The following TEP1 variants were observed in gnomAD, a reference collection of about 807,000 sequenced individuals.
TEP1 encodes the protein telomerase protein component 1.
A neutral mutation model predicts 306.3 loss-of-function variants in TEP1; 241 were observed. The ratio of observed to expected loss-of-function variants is 0.79; its 90% confidence interval spans 0.71 to 0.88. TEP1 has a LOEUF of 0.88. Among genes scored for constraint, TEP1 ranks in the 40% least tolerant of loss-of-function variants. The pLI is 0.00. For missense variants in TEP1, 3,051 were observed against 3,276.1 expected (o/e 0.93, Z 1.68); for synonymous variants, 1,289 against 1,305.5 (o/e 0.99, Z 0.27).
rs1323908411 is a variant in TEP1 at position 20,377,427 on chromosome 14, T to TG, written c.5940dup (p.Lys1981GlnfsTer76). On this transcript the variant is annotated frameshift_variant, in exon 41 of 55. Coordinates refer to ENST00000262715, the MANE Select transcript of TEP1 (RefSeq NM_007110.5). LOFTEE classifies it high-confidence loss of function. ...TCTTCTGCACCACTCACCAATACCT[T>TG]GGGGCTTAGCCAGGCCAGGGCGGAC... 22 of 1,613,934 alleles carry TG rather than the reference T, an allele frequency of 1.4e-5. No homozygotes were observed. The highest frequency in any genetic ancestry group is 1.0e-4 in the Admixed American group (6 of 59,988).
Position 20,375,861 on chromosome 14 carries a change from A to G in TEP1, c.6257T>C (p.Leu2086Pro). 2 of 1,612,052 alleles carry G rather than the reference A, an allele frequency of 1.2e-6. No homozygotes were observed. The highest frequency in any genetic ancestry group is 1.7e-6 in the Non-Finnish European group (2 of 1,178,554). The change falls in exon 43 of 55, where the codon CTC becomes CCC. Residue 2086 changes from leucine to proline, a missense_variant. This residue lies in a region of TEP1 where 1,540 missense variants were observed against 1,705.9 expected (regional missense o/e 0.90). Coordinates refer to ENST00000262715, the MANE Select transcript of TEP1 (RefSeq NM_007110.5). ...LATGGRDRSL[L>P]CWDVRTPKTP... Reference sequence around the variant, plus strand: ...TTTGGGTGTCCTCACGTCCCAGCAGAGGAGACTCTGGATAGGCCCCAAGGA... The same window carrying G: ...TTTGGGTGTCCTCACGTCCCAGCAGGGGAGACTCTGGATAGGCCCCAAGGA...
chr14:20,371,714 T>C, intron 49 of TEP1, 82 bp from the exon 50 acceptor site: 1 of 1,461,720 alleles, frequency 6.8e-7, no homozygotes, highest in Non-Finnish European at 9.1e-7. Flanking sequence ...CATGAATTCC[T>C]CAGGAATGAA....
At chr14:20,408,640 A>G (rs536339887) in intron 1 of TEP1, among the ~76,000 whole-genome samples, 177 bp from the exon 2 acceptor site, 1 of 152,224 alleles carries the variant, frequency 6.6e-6, no homozygotes, top group Non-Finnish European at 1.5e-5. Flanking sequence ...AGAGAGGGAT[A>G]GGGAAAAGGT....
At position 20,384,226 on chromosome 14, in the gene TEP1, C is replaced by T. The variant is rs750909850; in HGVS notation, c.3346G>A (p.Ala1116Thr). Reference sequence around the variant, plus strand: ...ATGGACACTGGCTGCTCCAGCAGGGCCCCAGGCTGAGGGTAAATGGGTCAG... The same window carrying T: ...ATGGACACTGGCTGCTCCAGCAGGGTCCCAGGCTGAGGGTAAATGGGTCAG... ...MIQKLYLQPG[A>T]LLEQPVSIPD... is the part of the protein sequence containing the mutation. The change falls in exon 24 of 55, where the codon GCC (alanine) becomes ACC (threonine). Residue 1116 changes from alanine to threonine, a missense_variant. This residue lies in a region of TEP1 where 1,507 missense variants were observed against 1,550.5 expected (regional missense o/e 0.97). Coordinates refer to ENST00000262715, the MANE Select transcript of TEP1 (RefSeq NM_007110.5). 7 of 1,613,326 alleles carry T rather than the reference C, an allele frequency of 4.3e-6. No individual in the cohort carries two copies. The highest frequency in any genetic ancestry group is 4.2e-6 in the Non-Finnish European group (5 of 1,179,670).
chr14:20,396,619 A>G lies in TEP1; in HGVS notation c.1659+2T>C. The G allele has an allele frequency of 6.2e-7, 1 of 1,604,042 alleles. No homozygotes were observed. The highest frequency in any genetic ancestry group is 2.2e-5 in the East Asian group (1 of 44,572). The stretch of plus-strand genomic sequence containing the variant: ...CCATGGCTACCAGCCCCTCACACAT[A>G]CCGCATGCTGGAGTCTCTGGAGAAT... On this transcript the variant is annotated splice_donor_variant, in intron 10 of 54. Coordinates refer to ENST00000262715, the MANE Select transcript of TEP1 (RefSeq NM_007110.5). LOFTEE classifies it high-confidence loss of function.
chr14:20,373,149 T>C lies in TEP1; in HGVS notation c.6815-2A>G. The stretch of plus-strand genomic sequence containing the variant: ...AACTCCTTGGTATACATGTGTCATC[T>C]GGAGGAGAAAGGACGTGTTTCATTA... On this transcript the variant is annotated splice_acceptor_variant, in intron 47 of 54. Coordinates refer to ENST00000262715, the MANE Select transcript of TEP1 (RefSeq NM_007110.5). LOFTEE classifies it high-confidence loss of function. 6.2e-7 allele frequency: 1 copy of C among 1,614,222 alleles called. No homozygotes were observed. Among genetic ancestry groups the C allele is most frequent in the South Asian group, 1.1e-5 (1 of 91,088 alleles).
intron 51 of TEP1, 55 bp downstream of exon 51, chr14:20,371,163 A>C (rs1884809698): frequency 6.5e-7 from 1 of 1,527,704 alleles, no homozygotes; most frequent in African/African-American, 1.4e-5. Context: ...CCAAGGTGTA[A>C]AAACACTGGT....
At position 20,401,077 on chromosome 14, in the gene TEP1, C is replaced by A. The variant is rs765291372; in HGVS notation, c.1456G>T (p.Ala486Ser). ...RLPGPWDSSR[A>S]GKRMKLSRPE... Reference sequence around the variant, plus strand: ...CTAGACAGCTTCATCCTCTTCCCAGCTCTGCTAGAATCCCAAGGCCCAGGA... The same window carrying A: ...CTAGACAGCTTCATCCTCTTCCCAGATCTGCTAGAATCCCAAGGCCCAGGA... The change falls in exon 9 of 55, where the codon GCT (alanine) becomes TCT (serine). Residue 486 changes from alanine (A) to serine (S), a missense_variant. This residue lies in a region of TEP1 where 1,507 missense variants were observed against 1,550.5 expected (regional missense o/e 0.97). Transcript: ENST00000262715. 4 of 1,614,084 alleles carry A rather than the reference C, an allele frequency of 2.5e-6. No individual in the cohort carries two copies. Among genetic ancestry groups the A allele is most frequent in the Admixed American group, 3.3e-5 (2 of 59,986 alleles).
intron 12 of TEP1, 81 bp from the exon 13 acceptor site, chr14:20,391,848 C>T (rs1877755800): frequency 1.3e-6 from 2 of 1,506,912 alleles, no homozygotes; most frequent in African/African-American, 2.8e-5. Flanking sequence ...GAGAAGTTGC[C>T]ACTAAGTATT....
chr14:20,389,384 C>T lies in TEP1; in HGVS notation c.2466-87G>A, dbSNP rs114236487. 2.7e-3 allele frequency: 4,065 copies of T among 1,508,918 alleles called. 74 individuals carry two copies. The African/African-American group carries it at 0.043, about 16-fold the overall frequency. The allele number at this position is 1,508,918 out of a possible 1,614,324, so 93.5% of individuals were successfully genotyped here. Reference sequence around the variant, plus strand: ...CACTAACATCCCAAGATGAAAACCCCACTTCTGCACCTTTAATAGGGTTAT... The same window carrying T: ...CACTAACATCCCAAGATGAAAACCCTACTTCTGCACCTTTAATAGGGTTAT... On this transcript the variant is annotated intron_variant, in intron 16 of 54. Coordinates refer to ENST00000262715, the MANE Select transcript of TEP1 (RefSeq NM_007110.5).
At position 20,395,547 on chromosome 14, in the gene TEP1, G is replaced by C. The variant is rs761116066; in HGVS notation, c.1831C>G (p.Leu611Val). 2 of 1,613,928 alleles carry C rather than the reference G, an allele frequency of 1.2e-6. No homozygotes were observed. Among genetic ancestry groups the C allele is most frequent in the Non-Finnish European group, 1.7e-6 (2 of 1,179,812 alleles). ...NEKNRPRRRF[L>V]CHLSRQQLRM... ...AGCTGCTGACGGCTTAGGTGGCAAA[G>C]AAACCTCCGCCTGGGACGGTTCTTT... Residue 611 changes from leucine (L) to valine (V), a missense_variant, in exon 12 of 55, where the codon CTT becomes GTT. Physicochemically the swap from Leu to Val is conservative, Grantham distance 32. Coordinates refer to ENST00000262715, the MANE Select transcript of TEP1 (RefSeq NM_007110.5).
chr14:20,370,465 T>C (rs1475630163), intron 51 of TEP1, among the ~76,000 whole-genome samples: 1 of 152,260 alleles, frequency 6.6e-6, no homozygotes, highest in African/African-American at 2.4e-5. Context: ...CCTTTGTAAC[T>C]GGCTTCCTTT....
At chr14:20,392,319 G>T (rs1008633213) in intron 12 of TEP1, among the ~76,000 whole-genome samples, 1 of 152,226 alleles carries the variant, frequency 6.6e-6, no homozygotes, top group Non-Finnish European at 1.5e-5. Context: ...ACCAATGGAT[G>T]AGCATTAACT....
chr14:20,384,753 C>A, intron 21 of TEP1, 40 bp from the exon 22 acceptor site: 1 of 1,578,256 alleles, frequency 6.3e-7, no homozygotes, highest in Non-Finnish European at 8.6e-7. Flanking sequence ...TAGACTCAGA[C>A]CCCAGCCAGC....
intron 2 of TEP1, among the ~76,000 whole-genome samples, chr14:20,407,395 G>A (rs1055022932): frequency 6.6e-6 from 1 of 152,182 alleles, no homozygotes; most frequent in Admixed American, 6.5e-5. Flanking sequence ...GTCTCTCTCT[G>A]TTGCCCAGAT....
At chr14:20,368,603 C>T (rs747172102) in intron 54 of TEP1, 44 bp from the exon 55 acceptor site, 1 of 1,607,696 alleles carries the variant, frequency 6.2e-7, no homozygotes, top group Admixed American at 1.7e-5. Flanking sequence ...CTACAAGCCT[C>T]CTTACTAACT....
intron 14 of TEP1, 76 bp downstream of exon 14, chr14:20,390,862 C>T (rs1877648233): frequency 6.2e-7 from 1 of 1,610,364 alleles, no homozygotes; most frequent in South Asian, 1.1e-5. Flanking sequence ...TTGTCTGTGC[C>T]TTTACCAAAT....
At chr14:20,387,282 C>T (rs1359262817) in intron 18 of TEP1, among the ~76,000 whole-genome samples, 1 of 147,788 alleles carries the variant, frequency 6.8e-6, no homozygotes, top group Non-Finnish European at 1.5e-5. Context: ...CGCGATGGCT[C>T]ACGCCTGTAA....
chr14:20,378,787 C>T lies in TEP1; in HGVS notation c.5319G>A (p.Leu1773=). ...ATCCTCCCAAGCACACGGTGGCTAG[C>T]AGCCGGCAGTCTGGGCTCAGGCAGC... ...TGCCLSPDCR[L]LATVCLGGCL... is the part of the protein sequence containing the mutation. Residue 1773 remains leucine (L), a synonymous_variant, in exon 37 of 55, where the codon CTG becomes CTA. Transcript: ENST00000262715. 2 of 1,614,238 alleles carry T rather than the reference C, an allele frequency of 1.2e-6. No homozygotes were observed. Among genetic ancestry groups the T allele is most frequent in the Non-Finnish European group, 1.7e-6 (2 of 1,180,032 alleles).
Sources: gnomAD v4.1 joint callset for allele counts (sites outside exome capture counted in the v4.1 genomes callset) on GRCh38, gnomAD v4.1.1 for gene constraint, gnomAD v4.1.1 regional missense constraint, MANE v1.5 for transcripts, NCBI Gene and HGNC (gene_info 2026-07-23, HGNC 2026-07-21) for gene names.